CLDN11: variants seen among roughly 807,000 people sequenced by gnomAD.
The protein encoded by CLDN11 is claudin 11, also known as claudin-11.
Under a neutral mutation model 18.0 loss-of-function variants are expected in CLDN11, and 1 was observed. The ratio of observed to expected loss-of-function variants is 0.06; its 90% confidence interval spans 0.02 to 0.26. The LOEUF (loss-of-function observed/expected upper bound fraction) is 0.26, where lower values mean the gene tolerates loss of function less well. Among genes scored for constraint, CLDN11 ranks in the 10% least tolerant of loss-of-function variants. The probability of loss-of-function intolerance (pLI) is 1.00; values close to 1 mark genes in which losing one functional copy is unlikely to be tolerated. For synonymous variants in CLDN11, 116 were observed against 121.5 expected, an observed-to-expected ratio of 0.96 and a Z score of 0.30; for missense variants, 172 against 276.6, an observed-to-expected ratio of 0.62 and a Z score of 2.68.
intron 2 of CLDN11, among the ~76,000 whole-genome samples, chr3:170,429,762 G>A (rs1738950581): frequency 6.6e-6 from 1 of 152,166 alleles, no homozygotes; most frequent in Non-Finnish European, 1.5e-5. Flanking sequence ...TGAATTTAGA[G>A]GCAGTTTCTT....
rs1254242660 is a variant in CLDN11 at position 170,433,338 on chromosome 3, C to T, written c.*582C>T. 1 of 151,494 alleles carries T rather than the reference C, an allele frequency of 6.6e-6. No homozygotes were observed. The highest frequency in any genetic ancestry group is 1.5e-5 in the Non-Finnish European group (1 of 68,012). 9.4% of individuals were successfully genotyped at this position (151,494 alleles called of 1,614,324 possible). A position where few individuals can be genotyped will look rare whatever the true frequency, so the allele number is the denominator to read the frequency against. On this transcript the variant is annotated 3_prime_UTR_variant, in exon 3 of 3. Coordinates refer to ENST00000064724, the MANE Select transcript of CLDN11 (RefSeq NM_005602.6). ...AAGTTTTTTATAGAGATGAGGGCTC[C>T]CTATGTTGCCCAGGTTGGTCTCGAA...
chr3:170,426,017 C>A (rs1738843927), intron 2 of CLDN11, among the ~76,000 whole-genome samples: 1 of 152,134 alleles, frequency 6.6e-6, no homozygotes, highest in Non-Finnish European at 1.5e-5. Context: ...TGGACTGTTT[C>A]TGTCACTCCC....
In CLDN11 at chr3:170,434,255, C is replaced by T. The variant is rs192810780; in HGVS notation, c.*1499C>T. ...TAATTAAAAAGTTATATTTTATTCACGGTATTGCAGTGGTAATTTGTGGTC... is the reference window on the plus strand; with the variant it reads ...TAATTAAAAAGTTATATTTTATTCATGGTATTGCAGTGGTAATTTGTGGTC... On this transcript the variant is annotated 3_prime_UTR_variant, in exon 3 of 3. Transcript: ENST00000064724. Among the ~76,000 whole-genome samples the T allele has an allele frequency of 7.2e-5, 11 of 152,286 alleles. No homozygotes were observed. The highest frequency in any genetic ancestry group is 1.3e-4 in the Admixed American group (2 of 15,300).
intron 2 of CLDN11, among the ~76,000 whole-genome samples, chr3:170,426,843 G>A (rs1389520784): frequency 1.3e-5 from 2 of 151,978 alleles, no homozygotes; most frequent in Admixed American, 6.6e-5. Flanking sequence ...GTGCAGTGGC[G>A]CAATCTTGGC....
In CLDN11 at chr3:170,433,049, A is replaced by G. The variant is rs1207461423; in HGVS notation, c.*293A>G. On this transcript the variant is annotated 3_prime_UTR_variant, in exon 3 of 3. Transcript: ENST00000064724. ...TTGCTGTTTATTAAAAATATATTAT[A>G]TATATTTTGTTTCTTTAAATTTCAA... The G allele has an allele frequency of 2.5e-5, 3 of 119,220 alleles. No individual in the cohort carries two copies. Among genetic ancestry groups the G allele is most frequent in the African/African-American group, 7.2e-5 (2 of 27,748 alleles). The allele number at this position is 119,220 out of a possible 1,614,324, so 7.4% of individuals were successfully genotyped here.
Position 170,431,881 on chromosome 3 carries a change from T to A in CLDN11, c.392-643T>A, listed in dbSNP as rs142086664. On this transcript the variant is annotated intron_variant, in intron 2 of 2. Transcript: ENST00000064724. The stretch of plus-strand genomic sequence containing the variant: ...AATAAAAACTTGAACCTTTATCTGG[T>A]ACTCCGTTTTCATCTAGCAACATTC... 3.3e-3 allele frequency among the ~76,000 whole-genome samples: 502 copies of A among 152,346 alleles called. 4 individuals are homozygous for A. Among genetic ancestry groups the A allele is most frequent in the African/African-American group, 0.011 (477 of 41,584 alleles).
chr3:170,422,375 TACAG>T (rs1738745929), intron 1 of CLDN11, among the ~76,000 whole-genome samples: 1 of 152,226 alleles, frequency 6.6e-6, no homozygotes. Context: ...AGAATTCTAT[TACAG>T]AGATGTAGGT....
At chr3:170,432,405 A>G (rs767426219) in intron 2 of CLDN11, 119 bp from the exon 3 acceptor site, 8 of 1,513,118 alleles carry the variant, frequency 5.3e-6, no homozygotes, top group African/African-American at 1.4e-5. Flanking sequence ...AACTGTGTGT[A>G]TGGAGCTTTT....
At position 170,432,667 on chromosome 3, in the gene CLDN11, G is replaced by A. The variant is rs747555034; in HGVS notation, c.535G>A (p.Ala179Thr). ...LVGGCVILCC[A>T]GDAQAFGENR... is the part of the protein sequence containing the mutation. Reference sequence around the variant, plus strand: ...GGGTGGCTGTGTCATCCTCTGCTGCGCTGGAGATGCCCAGGCCTTTGGTGA... The same window carrying A: ...GGGTGGCTGTGTCATCCTCTGCTGCACTGGAGATGCCCAGGCCTTTGGTGA... The change falls in exon 3 of 3, where the codon GCT becomes ACT. Residue 179 changes from alanine to threonine, a missense_variant. Physicochemically the swap from Ala to Thr is moderately conservative, Grantham distance 58. Transcript: ENST00000064724. The A allele has an allele frequency of 1.7e-5, 27 of 1,613,996 alleles. No homozygotes were observed. Among genetic ancestry groups the A allele is most frequent in the East Asian group, 4.5e-5 (2 of 44,890 alleles).
Position 170,419,005 on chromosome 3 carries a change from G to C in CLDN11, c.-62G>C. 3 of 1,286,280 alleles carry C rather than the reference G, an allele frequency of 2.3e-6. No homozygotes were observed. The highest frequency in any genetic ancestry group is 3.3e-6 in the Non-Finnish European group (3 of 911,212). The allele number at this position is 1,286,280 out of a possible 1,614,324, so 79.7% of individuals were successfully genotyped here. The stretch of plus-strand genomic sequence containing the variant: ...TGGGAGACGTACCTGGGCAGGCACT[G>C]TCCAGCCCAGGCCCAGGCACAGCCG... On this transcript the variant is annotated 5_prime_UTR_variant, in exon 1 of 3. Coordinates refer to ENST00000064724, the MANE Select transcript of CLDN11 (RefSeq NM_005602.6). The surrounding 1 kb of genome is among the most constrained non-coding windows in gnomAD (Gnocchi z 8.6).
chr3:170,428,002 C>T (rs563342932), intron 2 of CLDN11, among the ~76,000 whole-genome samples: 1 of 151,802 alleles, frequency 6.6e-6, no homozygotes, highest in Non-Finnish European at 1.5e-5. Flanking sequence ...ACTAAAAATA[C>T]AAAAGTTAGG....
At chr3:170,421,362 G>T in intron 1 of CLDN11, 1 of 935,312 alleles carries the variant, frequency 1.1e-6, no homozygotes, top group Non-Finnish European at 1.3e-6. Flanking sequence ...TCTACAAGCC[G>T]CAGAGGCGGA....
In CLDN11 at chr3:170,419,010, G is replaced by C; in HGVS notation, c.-57G>C. 7.4e-7 allele frequency: 1 copy of C among 1,350,388 alleles called. No homozygotes were observed. The allele number at this position is 1,350,388 out of a possible 1,614,324, so 83.7% of individuals were successfully genotyped here. A position where few individuals can be genotyped will look rare whatever the true frequency, so the allele number is the denominator to read the frequency against. On this transcript the variant is annotated 5_prime_UTR_variant, in exon 1 of 3. Coordinates refer to ENST00000064724, the MANE Select transcript of CLDN11 (RefSeq NM_005602.6). The surrounding 1 kb of genome is among the most constrained non-coding windows in gnomAD (Gnocchi z 8.6). ...GACGTACCTGGGCAGGCACTGTCCA[G>C]CCCAGGCCCAGGCACAGCCGTGAGG... is the stretch of plus-strand genomic sequence containing the variant.
chr3:170,430,043 G>A (rs941987426), intron 2 of CLDN11, among the ~76,000 whole-genome samples: 4 of 152,174 alleles, frequency 2.6e-5, no homozygotes, highest in African/African-American at 9.7e-5. Context: ...CTCTAAACAA[G>A]CCTGGGTGTT....
intron 2 of CLDN11, among the ~76,000 whole-genome samples, chr3:170,425,526 T>C (rs1450715681): frequency 6.6e-6 from 1 of 152,210 alleles, no homozygotes; most frequent in Admixed American, 6.5e-5. Context: ...TGAAACTTCC[T>C]AGCTGAATTT....
chr3:170,432,624 T>C lies in CLDN11; in HGVS notation c.492T>C (p.Gly164=). The C allele has an allele frequency of 1.2e-6, 2 of 1,614,038 alleles. No individual in the cohort carries two copies. The highest frequency in any genetic ancestry group is 8.5e-7 in the Non-Finnish European group (1 of 1,180,036). ...FGYSLYAGWI[G]AVLCLVGGCV... is the part of the protein sequence containing the mutation. ...ACTCCCTGTATGCAGGCTGGATTGGTGCTGTGCTGTGCCTCGTGGGTGGCT... is the reference window on the plus strand; with the variant it reads ...ACTCCCTGTATGCAGGCTGGATTGGCGCTGTGCTGTGCCTCGTGGGTGGCT... The change falls in exon 3 of 3, where the codon GGT becomes GGC. Residue 164 remains glycine (G), a synonymous_variant. Transcript: ENST00000064724.
chr3:170,421,152 T>TGGGGGGGGGG (rs71176567), intron 1 of CLDN11: 1 of 154,940 alleles, frequency 6.5e-6, no homozygotes, highest in Non-Finnish European at 1.0e-5. Flanking sequence ...ACTCTGGGGG[T>TGGGGGGGGGG]GGGGGGGGGG....
Position 170,423,154 on chromosome 3 carries a change from T to C in CLDN11, c.227-9T>C. ...GTCTAACCTTTCCCATCTGCTCTCT[T>C]GTTCCCAGGCTACGTGCAGGCCTGC... On this transcript the variant is annotated splice_polypyrimidine_tract_variant and intron_variant, in intron 1 of 2. Coordinates refer to ENST00000064724, the MANE Select transcript of CLDN11 (RefSeq NM_005602.6). 3.1e-6 allele frequency: 5 copies of C among 1,614,210 alleles called. No homozygotes were observed. Among genetic ancestry groups the C allele is most frequent in the Non-Finnish European group, 4.2e-6 (5 of 1,180,022 alleles).
At position 170,423,318 on chromosome 3, in the gene CLDN11, A is replaced by G. The variant is rs749751489; in HGVS notation, c.382A>G (p.Ile128Val). Residue 128 changes from isoleucine (I) to valine (V), a missense_variant, in exon 2 of 3, where the codon ATT becomes GTT. Ile to Val is a conservative substitution (Grantham distance 29, BLOSUM62 3). This residue lies in a region of CLDN11 where 161 missense variants were observed against 240.3 expected (regional missense o/e 0.67). Coordinates refer to ENST00000064724, the MANE Select transcript of CLDN11 (RefSeq NM_005602.6). ...GGCCCAGCTGGCTGGTGTTTTGCTCATTCTGCTGGGTAAGACAGCTTTCTC... is the reference window on the plus strand; with the variant it reads ...GGCCCAGCTGGCTGGTGTTTTGCTCGTTCTGCTGGGTAAGACAGCTTTCTC... ...RRAQLAGVLL[I>V]LLALCALVAT... 4.3e-6 allele frequency: 7 copies of G among 1,613,912 alleles called. No individual in the cohort carries two copies. Among genetic ancestry groups the G allele is most frequent in the South Asian group, 1.1e-5 (1 of 91,058 alleles).
Sources: gnomAD v4.1 joint callset for allele counts (sites outside exome capture counted in the v4.1 genomes callset) on GRCh38, gnomAD v4.1.1 for gene constraint, gnomAD v4.1.1 regional missense constraint, Gnocchi (gnomAD v3.1) non-coding constraint, MANE v1.5 for transcripts, NCBI Gene and HGNC (gene_info 2026-07-23, HGNC 2026-07-21) for gene names.